The following ENPP6 variants were observed in gnomAD, a reference collection of about 807,000 sequenced individuals.
ENPP6 encodes the protein ectonucleotide pyrophosphatase/phosphodiesterase 6, also known as glycerophosphocholine cholinephosphodiesterase ENPP6.
In ENPP6, 32 loss-of-function variants were observed where a neutral mutation model predicts 42.0. That is an observed-to-expected ratio of 0.76 (90% confidence interval 0.58 to 1.02). The LOEUF (loss-of-function observed/expected upper bound fraction) is 1.02. Ranked by LOEUF, ENPP6 falls within the 50% of genes least tolerant of loss-of-function variation. The pLI, the probability that ENPP6 is intolerant of heterozygous loss-of-function variation, is 0.00. For missense variants in ENPP6, 552 were observed against 566.8 expected (o/e 0.97, Z 0.27); for synonymous variants, 213 against 216.0 (o/e 0.99, Z 0.12).
chr4:184,100,753 G>A (rs1242980773), intron 6 of ENPP6, among the ~76,000 whole-genome samples: 1 of 152,208 alleles, frequency 6.6e-6, no homozygotes, highest in Non-Finnish European at 1.5e-5. Flanking sequence ...GGTAAGAGGA[G>A]TCCCAGGCGA....
chr4:184,194,126 C>T (rs890061724), intron 1 of ENPP6, among the ~76,000 whole-genome samples: 3 of 152,206 alleles, frequency 2.0e-5, no homozygotes, highest in Admixed American at 6.5e-5. Context: ...ATCATGGTCC[C>T]TCATCTACTC....
rs558050494 is a variant in ENPP6, at chr4:184,139,351, T to C, written c.421+14203A>G. The stretch of plus-strand genomic sequence containing the variant: ...AGGTGAATTTTTTTTTTTTAGTTTT[T>C]TTTTTAAATTTATTATTATTATACT... On this transcript the variant is annotated intron_variant, in intron 2 of 7. Coordinates refer to ENST00000296741, the MANE Select transcript of ENPP6 (RefSeq NM_153343.4). Among the ~76,000 whole-genome samples, 413 of 152,222 alleles carry C rather than the reference T, an allele frequency of 2.7e-3. 3 individuals are homozygous for C. Among genetic ancestry groups the C allele is most frequent in the African/African-American group, 9.4e-3 (391 of 41,532 alleles).
At chr4:184,131,187 TTC>T (rs1560987216) in intron 2 of ENPP6, among the ~76,000 whole-genome samples, 1,500 of 65,260 alleles carry the variant, frequency 0.023, 40 homozygotes, top group South Asian at 0.061. Context: ...CTTTCTTTCT[TTC>T]TTTCTTTCTT....
intron 5 of ENPP6, among the ~76,000 whole-genome samples, chr4:184,113,462 T>G (rs1736247204): frequency 1.3e-5 from 2 of 152,172 alleles, no homozygotes; most frequent in Non-Finnish European, 2.9e-5. Context: ...GTAACGGTAA[T>G]GTCCTATTTC....
At chr4:184,202,004 G>C (rs898537087) in intron 1 of ENPP6, among the ~76,000 whole-genome samples, 1 of 152,190 alleles carries the variant, frequency 6.6e-6, no homozygotes, top group African/African-American at 2.4e-5. Flanking sequence ...GTAGCAAGCA[G>C]TGAGATAGGA....
chr4:184,099,368 G>T (rs1735962086), intron 6 of ENPP6, among the ~76,000 whole-genome samples: 1 of 152,238 alleles, frequency 6.6e-6, no homozygotes, highest in African/African-American at 2.4e-5. Context: ...CTAGCTCTGG[G>T]ATCTTGGCTG....
At chr4:184,143,447 A>G (rs1456490166) in intron 2 of ENPP6, among the ~76,000 whole-genome samples, 9 of 152,228 alleles carry the variant, frequency 5.9e-5, no homozygotes. Context: ...GCCCGGCACC[A>G]GCTCTCCTGG....
Position 184,091,141 on chromosome 4 carries a change from G to C in ENPP6, c.*36C>G. 45 of 1,497,354 alleles carry C rather than the reference G, an allele frequency of 3.0e-5. No individual in the cohort carries two copies. Among genetic ancestry groups the C allele is most frequent in the Non-Finnish European group, 4.0e-5 (45 of 1,124,194 alleles). The allele number at this position is 1,497,354 out of a possible 1,614,324, so 92.8% of individuals were successfully genotyped here. ...TCTGGCTTTGGAGGCCCACTTTGCT[G>C]ATGGTGTTTTTTTCTGAGACAAGCA... On this transcript the variant is annotated 3_prime_UTR_variant, in exon 8 of 8. Coordinates refer to ENST00000296741, the MANE Select transcript of ENPP6 (RefSeq NM_153343.4).
chr4:184,136,820 C>A lies in ENPP6; in HGVS notation c.422-12548G>T, dbSNP rs1579628996. ...ATCCATGATGCTCTTTCCTGTTTCA[C>A]AGCACTTCTTGAATGTATAGTTTGG... is the stretch of plus-strand genomic sequence containing the variant. On this transcript the variant is annotated intron_variant, in intron 2 of 7. Transcript: ENST00000296741. Among the ~76,000 whole-genome samples the A allele has an allele frequency of 3.3e-5, 5 of 152,340 alleles. No homozygotes were observed. The South Asian group carries it at 1.0e-3, about 32-fold the overall frequency.
chr4:184,182,945 AC>A (rs1195987735), intron 1 of ENPP6, among the ~76,000 whole-genome samples: 1 of 152,206 alleles, frequency 6.6e-6, no homozygotes, highest in Non-Finnish European at 1.5e-5. Flanking sequence ...GGTGCAGCCA[AC>A]CACCATGGCA....
At chr4:184,104,563 A>G (rs538500892) in intron 6 of ENPP6, among the ~76,000 whole-genome samples, 1 of 152,246 alleles carries the variant, frequency 6.6e-6, no homozygotes, top group Non-Finnish European at 1.5e-5. Context: ...CTGCCCTTGG[A>G]CTGTAGCTCT....
At chr4:184,188,369 G>A (rs1231783712) in intron 1 of ENPP6, among the ~76,000 whole-genome samples, 1 of 151,936 alleles carries the variant, frequency 6.6e-6, no homozygotes, top group Non-Finnish European at 1.5e-5. Context: ...AGAAAATATT[G>A]TCCTAGGTTT....
intron 2 of ENPP6, among the ~76,000 whole-genome samples, chr4:184,133,161 TCA>T (rs66979248): frequency 0.022 from 3,125 of 139,488 alleles, 68 homozygotes; most frequent in African/African-American, 0.056. Flanking sequence ...ACCTGTCAAT[TCA>T]CACACACACA....
chr4:184,132,429 A>G (rs78072706), intron 2 of ENPP6, among the ~76,000 whole-genome samples: 1,680 of 152,124 alleles, frequency 0.011, 36 homozygotes, highest in African/African-American at 0.038. Flanking sequence ...AATTGTGCAT[A>G]TGTTCCAGAT....
intron 1 of ENPP6, among the ~76,000 whole-genome samples, chr4:184,172,899 T>C (rs1276603740): frequency 2.0e-5 from 3 of 152,032 alleles, no homozygotes; most frequent in African/African-American, 7.2e-5. Context: ...ATTTATCCAG[T>C]GTTTTTTGTT....
chr4:184,144,033 G>GA (rs1205018592), intron 2 of ENPP6, among the ~76,000 whole-genome samples: 2 of 152,208 alleles, frequency 1.3e-5, no homozygotes, highest in Non-Finnish European at 2.9e-5. Flanking sequence ...ACTCAGCTAG[G>GA]AAAGGTGCAG....
chr4:184,097,355 A>G lies in ENPP6; in HGVS notation c.1007T>C (p.Leu336Pro). ...GWFITENREM[L>P]PFWMNSTGRR... Reference sequence around the variant, plus strand: ...GCCGGTGCTGTTCATCCAAAACGGAAGCATCTCTCGATTCTGAAACCAAGC... The same window carrying G: ...GCCGGTGCTGTTCATCCAAAACGGAGGCATCTCTCGATTCTGAAACCAAGC... The change falls in exon 7 of 8, where the codon CTT becomes CCT. Residue 336 changes from leucine (L) to proline (P), a missense_variant. This residue lies in a region of ENPP6 where 545 missense variants were observed against 546.3 expected (regional missense o/e 1.00). Coordinates refer to ENST00000296741, the MANE Select transcript of ENPP6 (RefSeq NM_153343.4). 1.2e-6 allele frequency: 2 copies of G among 1,614,174 alleles called. No homozygotes were observed. The highest frequency in any genetic ancestry group is 8.5e-7 in the Non-Finnish European group (1 of 1,180,014).
intron 2 of ENPP6, among the ~76,000 whole-genome samples, chr4:184,132,739 G>A (rs895393986): frequency 1.3e-5 from 2 of 150,732 alleles, no homozygotes; most frequent in Non-Finnish European, 3.0e-5. Context: ...TTCATATATG[G>A]TATTAGATAG....
intron 1 of ENPP6, among the ~76,000 whole-genome samples, chr4:184,173,318 C>T: frequency 6.6e-6 from 1 of 152,176 alleles, no homozygotes; most frequent in East Asian, 1.9e-4. Context: ...ATGTTCAACA[C>T]AATATTGGAA....
Sources: gnomAD v4.1 joint callset for allele counts (sites outside exome capture counted in the v4.1 genomes callset) on GRCh38, gnomAD v4.1.1 for gene constraint, gnomAD v4.1.1 regional missense constraint, MANE v1.5 for transcripts, NCBI Gene and HGNC (gene_info 2026-07-23, HGNC 2026-07-21) for gene names.